The following HRH2 variants were observed in gnomAD, a reference collection of about 807,000 sequenced individuals.
The protein encoded by HRH2 is histamine H2 receptor.
A neutral mutation model predicts 20.1 loss-of-function variants in HRH2; 4 were observed. The observed-to-expected ratio is 0.20, with a 90% CI of 0.10 to 0.45. The LOEUF (loss-of-function observed/expected upper bound fraction) is 0.45. HRH2 is among the 20% of genes least tolerant of loss of function. HRH2 has a pLI of 0.99. For synonymous variants in HRH2, 197 were observed against 200.7 expected (o/e 0.98, Z 0.16); for missense variants, 250 against 461.6 (o/e 0.54, Z 4.20).
chr5:175,671,044 A>G (rs1004076706), intron 1 of HRH2, among the ~76,000 whole-genome samples: 2 of 152,248 alleles, frequency 1.3e-5, no homozygotes, highest in African/African-American at 4.8e-5. Flanking sequence ...TTGGAAGTAC[A>G]GGATGCCAAG....
At chr5:175,662,800 C>T (rs1762776420) in intron 1 of HRH2, among the ~76,000 whole-genome samples, 2 of 152,170 alleles carry the variant, frequency 1.3e-5, no homozygotes, top group South Asian at 2.1e-4. Context: ...CCAAAAGAAA[C>T]CTGTCCACAT....
chr5:175,697,419 C>G lies in HRH2; in HGVS notation c.1077-10360C>G, dbSNP rs1448106181. Among the ~76,000 whole-genome samples the G allele has an allele frequency of 2.7e-5, 4 of 147,700 alleles. No homozygotes were observed. The East Asian group carries it at 6.1e-4, about 23-fold the overall frequency. ...CGGAGCTTGCAGTGAGCCGGGATAG[C>G]GCCACTGCAGTCCAGCTTGGGCGAA... On this transcript the variant is annotated intron_variant, in intron 2 of 2. Transcript: ENST00000636584.
chr5:175,682,008 A>G (rs1418929174), intron 1 of HRH2, among the ~76,000 whole-genome samples: 1 of 152,142 alleles, frequency 6.6e-6, no homozygotes, highest in Non-Finnish European at 1.5e-5. Flanking sequence ...GAAAAAAATC[A>G]AAAAAAGGAG....
In HRH2 at chr5:175,683,133, T is replaced by C; in HGVS notation, c.-101T>C. On this transcript the variant is annotated 5_prime_UTR_variant, in exon 2 of 3. Transcript: ENST00000636584. ...AAAAACTGGACACATTTTGGATCTG[T>C]TGGGAGCTTGGAGTCCAGTGGTTGG... 7.5e-7 allele frequency: 1 copy of C among 1,338,720 alleles called. No individual in the cohort carries two copies. Among genetic ancestry groups the C allele is most frequent in the Non-Finnish European group, 1.0e-6 (1 of 986,826 alleles). The allele number at this position is 1,338,720 out of a possible 1,614,324, so 82.9% of individuals were successfully genotyped here.
At position 175,665,015 on chromosome 5, in the gene HRH2, G is replaced by A. The variant is rs988595152; in HGVS notation, c.-526+6860G>A. Reference sequence around the variant, plus strand: ...AAAATGCCTTTTCTCCAGACAGTGCGGAGGAGGGTGGGGCTGAGGAGAGAG... The same window carrying A: ...AAAATGCCTTTTCTCCAGACAGTGCAGAGGAGGGTGGGGCTGAGGAGAGAG... On this transcript the variant is annotated intron_variant, in intron 1 of 2. Coordinates refer to ENST00000636584, the MANE Select transcript of HRH2 (RefSeq NM_001367711.1). Among the ~76,000 whole-genome samples, 17 of 152,342 alleles carry A rather than the reference G, an allele frequency of 1.1e-4. 1 individual carries two copies. Among genetic ancestry groups the A allele is most frequent in the South Asian group, 6.2e-4 (3 of 4,832 alleles).
intron 1 of HRH2, among the ~76,000 whole-genome samples, chr5:175,660,874 A>G (rs1762718419): frequency 1.3e-5 from 2 of 151,614 alleles, no homozygotes; most frequent in Admixed American, 6.5e-5. Flanking sequence ...CCTATTGTCA[A>G]TTTGGTAATA....
At position 175,684,147 on chromosome 5, in the gene HRH2, G is replaced by A. The variant is rs1756085035; in HGVS notation, c.914G>A (p.Cys305Tyr). Residue 305 changes from cysteine (C) to tyrosine (Y), a missense_variant, in exon 2 of 3, where the codon TGC becomes TAC. Coordinates refer to ENST00000636584, the MANE Select transcript of HRH2 (RefSeq NM_001367711.1). ...FRTGYQQLFCCRLANRNSHKT... is the reference protein window; with the variant it reads ...FRTGYQQLFCYRLANRNSHKT... ...ACCGGGTACCAACAGCTCTTCTGCT[G>A]CAGGCTGGCCAACCGCAACTCCCAC... The A allele has an allele frequency of 6.2e-7, 1 of 1,614,182 alleles. No individual in the cohort carries two copies. The highest frequency in any genetic ancestry group is 8.5e-7 in the Non-Finnish European group (1 of 1,180,042).
rs770043475 is a variant in HRH2 at position 175,693,493 on chromosome 5, C to T, written c.1076+9184C>T. Among the ~76,000 whole-genome samples the T allele has an allele frequency of 2.6e-5, 4 of 152,206 alleles. No homozygotes were observed. The highest frequency in any genetic ancestry group is 5.9e-5 in the Non-Finnish European group (4 of 68,036). On this transcript the variant is annotated intron_variant, in intron 2 of 2. Transcript: ENST00000636584. This position sits in a 1 kb window ranked among gnomAD's most constrained non-coding sequence, Gnocchi z 4.4. ...CGGGACGTCGCAGGTCCATGGAGGA[C>T]ACTCAGTCCCTCCTCACGTGAGGAC...
chr5:175,692,396 C>T (rs942734388), intron 2 of HRH2, among the ~76,000 whole-genome samples: 3 of 152,246 alleles, frequency 2.0e-5, no homozygotes, highest in Non-Finnish European at 2.9e-5. Context: ...TTTGCCAACC[C>T]TGGCGTGGGG....
At chr5:175,668,668 G>C (rs962039128) in intron 1 of HRH2, among the ~76,000 whole-genome samples, 28 of 152,258 alleles carry the variant, frequency 1.8e-4, no homozygotes, top group African/African-American at 6.7e-4. Flanking sequence ...GCGGTGAGGG[G>C]CCGGCTAGGA....
intron 1 of HRH2, among the ~76,000 whole-genome samples, chr5:175,674,367 C>T (rs1225613764): frequency 2.6e-5 from 4 of 152,170 alleles, no homozygotes; most frequent in Non-Finnish European, 5.9e-5. Context: ...CTATTATTAT[C>T]ATCTGTCAGG....
intron 2 of HRH2, among the ~76,000 whole-genome samples, chr5:175,692,704 G>T (rs540955165): frequency 1.3e-5 from 2 of 152,282 alleles, no homozygotes; most frequent in African/African-American, 4.8e-5. Flanking sequence ...TTCCAGGGGG[G>T]TCCTGACCCT....
chr5:175,684,502 A>AG, intron 2 of HRH2, 193 bp downstream of exon 2: 4 of 336,574 alleles, frequency 1.2e-5, no homozygotes, highest in Non-Finnish European at 1.7e-5. Flanking sequence ...CCCTTTTAAA[A>AG]GGAGCACATT....
At chr5:175,662,400 C>A (rs113965534) in intron 1 of HRH2, among the ~76,000 whole-genome samples, 8 of 152,248 alleles carry the variant, frequency 5.3e-5, no homozygotes, top group African/African-American at 1.7e-4. Context: ...CCACAATACA[C>A]GGGACAGCCC....
chr5:175,698,129 C>T (rs1467681625), intron 2 of HRH2, among the ~76,000 whole-genome samples: 2 of 152,346 alleles, frequency 1.3e-5, no homozygotes, highest in South Asian at 2.1e-4. Flanking sequence ...ACTGGCACAC[C>T]GACCTGCACA....
intron 1 of HRH2, among the ~76,000 whole-genome samples, chr5:175,662,684 A>G (rs138832517): frequency 5.2e-4 from 79 of 152,294 alleles, no homozygotes; most frequent in African/African-American, 1.8e-3. Context: ...TAATTCATAT[A>G]CTATAAAAGT....
intron 2 of HRH2, 94 bp downstream of exon 2, chr5:175,684,403 TG>T (rs1756095960): frequency 6.6e-7 from 1 of 1,513,038 alleles, no homozygotes; most frequent in African/African-American, 1.4e-5. Context: ...TAGGTGGTGC[TG>T]GTTTATGTTC....
At chr5:175,676,760 G>A (rs952552618) in intron 1 of HRH2, among the ~76,000 whole-genome samples, 1 of 152,084 alleles carries the variant, frequency 6.6e-6, no homozygotes, top group Non-Finnish European at 1.5e-5. Flanking sequence ...CCATTGCCTG[G>A]CATTCTGTGT....
chr5:175,683,077 C>T lies in HRH2; in HGVS notation c.-157C>T, dbSNP rs566555783. ...GCCCAGAGTCAGTCATTGAAGCCTT[C>T]CCCACCCCCTGGCCAAAAAAAAAAA... On this transcript the variant is annotated 5_prime_UTR_variant, in exon 2 of 3. Coordinates refer to ENST00000636584, the MANE Select transcript of HRH2 (RefSeq NM_001367711.1). 3 of 918,438 alleles carry T rather than the reference C, an allele frequency of 3.3e-6. No homozygotes were observed. The African/African-American group carries it at 5.2e-5, about 16-fold the overall frequency. The allele number at this position is 918,438 out of a possible 1,614,324, so 56.9% of individuals were successfully genotyped here. A position where few individuals can be genotyped will look rare whatever the true frequency, so the allele number is the denominator to read the frequency against.
Sources: allele counts gnomAD v4.1 joint callset (sites outside exome capture counted in the v4.1 genomes callset), GRCh38; gene constraint gnomAD v4.1.1; non-coding constraint Gnocchi (gnomAD v3.1); transcripts MANE v1.5; gene names NCBI Gene and HGNC (gene_info 2026-07-23, HGNC 2026-07-21).